ZNF716: variants seen among roughly 807,000 people sequenced by gnomAD.
ZNF716 encodes zinc finger protein 716.
In ZNF716, 9 loss-of-function variants were observed where a neutral mutation model predicts 13.4. That is an observed-to-expected ratio of 0.67 (90% confidence interval 0.41 to 1.18). The LOEUF (loss-of-function observed/expected upper bound fraction) is 1.18, where lower values mean the gene tolerates loss of function less well. Among genes scored for constraint, ZNF716 ranks in the 50% most tolerant of loss-of-function variants. The pLI is 0.01. For synonymous variants in ZNF716, 186 were observed against 195.2 expected (o/e 0.95, Z 0.39); for missense variants, 581 against 576.6 (o/e 1.01, Z -0.08).
chr7:57,452,859 G>A (rs1554321750), intron 1 of ZNF716, among the ~76,000 whole-genome samples: 1 of 152,032 alleles, frequency 6.6e-6, no homozygotes, highest in East Asian at 1.9e-4. Context: ...ACCTACTGTG[G>A]CCGTGTCTGC....
chr7:57,463,005 A>C, intron 2 of ZNF716, 68 bp from the exon 3 acceptor site: 9 of 1,581,084 alleles, frequency 5.7e-6, no homozygotes, highest in Non-Finnish European at 7.7e-6. Flanking sequence ...TTTACTAAGC[A>C]TAATACTTGT....
rs1554325435 is a variant in ZNF716, at chr7:57,472,463, A to G, written c.*2514A>G. On this transcript the variant is annotated 3_prime_UTR_variant, in exon 4 of 4. Transcript: ENST00000420713. ...CATCACTAGTAGTCTCTTTTTTGCCAGTGTTTTTGTTTGTTTGTTTTGAGA... is the reference window on the plus strand; with the variant it reads ...CATCACTAGTAGTCTCTTTTTTGCCGGTGTTTTTGTTTGTTTGTTTTGAGA... The G allele has an allele frequency of 6.6e-6, 1 of 151,716 alleles. No individual in the cohort carries two copies. The highest frequency in any genetic ancestry group is 2.4e-5 in the African/African-American group (1 of 41,288). The allele number at this position is 151,716 out of a possible 1,614,324, so 9.4% of individuals were successfully genotyped here.
rs535070746 is a variant in ZNF716 at position 57,451,283 on chromosome 7, G to A, written c.39+956G>A. ...GCCTGCCTTGGCCTCCGAAAGTGCTGGGATTACAGTCGTGATCCCCCCGTG... is the reference window on the plus strand; with the variant it reads ...GCCTGCCTTGGCCTCCGAAAGTGCTAGGATTACAGTCGTGATCCCCCCGTG... On this transcript the variant is annotated intron_variant, in intron 1 of 3. Transcript: ENST00000420713. Among the ~76,000 whole-genome samples, 131 of 152,004 alleles carry A rather than the reference G, an allele frequency of 8.6e-4. 1 individual carries two copies. The highest frequency in any genetic ancestry group is 3.0e-3 in the African/African-American group (125 of 41,452).
chr7:57,467,423 C>T (rs1789836128), intron 3 of ZNF716, among the ~76,000 whole-genome samples: 2 of 152,014 alleles, frequency 1.3e-5, no homozygotes, highest in Non-Finnish European at 2.9e-5. Flanking sequence ...TATGCTTTTC[C>T]AGCATTGGTT....
rs782745508 is a variant in ZNF716, at chr7:57,464,115, C to CTTT, written c.262+951_262+953dup. 5.3e-4 allele frequency among the ~76,000 whole-genome samples: 58 copies of CTTT among 110,238 alleles called. 6 individuals carry two copies. Among genetic ancestry groups the CTTT allele is most frequent in the South Asian group, 9.1e-4 (3 of 3,306 alleles). 72.3% of individuals were successfully genotyped at this position (110,238 alleles called of 152,430 possible). On this transcript the variant is annotated intron_variant, in intron 3 of 3. Transcript: ENST00000420713. The stretch of plus-strand genomic sequence containing the variant: ...AGGTAGTTCAATCATTTGTCCATTT[C>CTTT]TTTTTTCTTTTTTTTTTTTTTTTGA...
chr7:57,455,879 CT>C (rs34475017), intron 1 of ZNF716, among the ~76,000 whole-genome samples: 5,441 of 151,470 alleles, frequency 0.036, 312 homozygotes, highest in East Asian at 0.24. Context: ...CTTTCCCAAA[CT>C]TTTTTTTTGT....
At chr7:57,457,967 T>G (rs1300388770) in intron 1 of ZNF716, among the ~76,000 whole-genome samples, 3 of 152,232 alleles carry the variant, frequency 2.0e-5, no homozygotes, top group African/African-American at 7.2e-5. Flanking sequence ...TCCATCCATG[T>G]TGCTGCAAAT....
intron 3 of ZNF716, among the ~76,000 whole-genome samples, chr7:57,466,272 A>G (rs1288368331): frequency 6.6e-6 from 1 of 152,180 alleles, no homozygotes; most frequent in Non-Finnish European, 1.5e-5. Context: ...TCCAACCGCA[A>G]TATTGACTGG....
chr7:57,469,075 T>A lies in ZNF716; in HGVS notation c.614T>A (p.Ile205Lys). 1 of 1,607,924 alleles carries A rather than the reference T, an allele frequency of 6.2e-7. No individual in the cohort carries two copies. The highest frequency in any genetic ancestry group is 8.5e-7 in the Non-Finnish European group (1 of 1,176,586). Residue 205 changes from isoleucine to lysine, a missense_variant, in exon 4 of 4, where the codon ATA becomes AAA. Ile to Lys is a moderately radical substitution (Grantham distance 102, BLOSUM62 -3). Transcript: ENST00000420713. ...CTTTCACGCCTAAATCAACATCAGATAATTCATACTAGGGAGAAGTCTTAC... is the reference window on the plus strand; with the variant it reads ...CTTTCACGCCTAAATCAACATCAGAAAATTCATACTAGGGAGAAGTCTTAC... The part of the protein sequence containing the change: ...CMLSRLNQHQ[I>K]IHTREKSYKC...
rs1789936821 is a variant in ZNF716, at chr7:57,471,489, CTATT to C, written c.*1545_*1548del. 1 of 150,692 alleles carries C rather than the reference CTATT, an allele frequency of 6.6e-6. No individual in the cohort carries two copies. The highest frequency in any genetic ancestry group is 1.5e-5 in the Non-Finnish European group (1 of 67,796). The allele number at this position is 150,692 out of a possible 1,614,324, so 9.3% of individuals were successfully genotyped here. A position where few individuals can be genotyped will look rare whatever the true frequency, so the allele number is the denominator to read the frequency against. ...AAAACATAGGCCTTTAAAGCAAAGA[CTATT>C]TATTCTAAAGACAAACATTAAAACA... On this transcript the variant is annotated 3_prime_UTR_variant, in exon 4 of 4. Transcript: ENST00000420713.
intron 3 of ZNF716, among the ~76,000 whole-genome samples, chr7:57,464,152 A>ATTTTTT (rs1789762979): frequency 1.1e-5 from 1 of 92,204 alleles, no homozygotes; most frequent in African/African-American, 4.3e-5. Flanking sequence ...ATGGAGTTTC[A>ATTTTTT]CTCTTGTTGC....
In ZNF716 at chr7:57,473,097, C is replaced by G. The variant is rs1275610335; in HGVS notation, c.*3148C>G. On this transcript the variant is annotated 3_prime_UTR_variant, in exon 4 of 4. Transcript: ENST00000420713. ...AAAATTACATGAGTATAATTAATAC[C>G]CATACATTTCTGAGTCTTGATTAAA... The G allele has an allele frequency of 2.6e-5, 4 of 151,900 alleles. No individual in the cohort carries two copies. Among genetic ancestry groups the G allele is most frequent in the African/African-American group, 9.7e-5 (4 of 41,378 alleles). The allele number at this position is 151,900 out of a possible 1,614,324, so 9.4% of individuals were successfully genotyped here.
At position 57,472,507 on chromosome 7, in the gene ZNF716, C is replaced by T. The variant is rs1469071575; in HGVS notation, c.*2558C>T. On this transcript the variant is annotated 3_prime_UTR_variant, in exon 4 of 4. Transcript: ENST00000420713. Reference sequence around the variant, plus strand: ...TTTGAGACTAAGTCTTACTCTGTCACCCAGACTGGGGTGCAGTGGTGCGAT... The same window carrying T: ...TTTGAGACTAAGTCTTACTCTGTCATCCAGACTGGGGTGCAGTGGTGCGAT... 1 of 152,220 alleles carries T rather than the reference C, an allele frequency of 6.6e-6. No individual in the cohort carries two copies. Among genetic ancestry groups the T allele is most frequent in the Non-Finnish European group, 1.5e-5 (1 of 68,084 alleles). The allele number at this position is 152,220 out of a possible 1,614,324, so 9.4% of individuals were successfully genotyped here. A position where few individuals can be genotyped will look rare whatever the true frequency, so the allele number is the denominator to read the frequency against.
Position 57,469,794 on chromosome 7 carries a change from T to A in ZNF716, c.1333T>A (p.Phe445Ile). Reference sequence around the variant, plus strand: ...CAAATGTAAAGAATGTGGGAAAGCCTTTACCTTCTCCTCAACTCTAAATAC... The same window carrying A: ...CAAATGTAAAGAATGTGGGAAAGCCATTACCTTCTCCTCAACTCTAAATAC... Reference protein sequence around the residue: ...LYKCKECGKAFTFSSTLNTHK... With the variant: ...LYKCKECGKAITFSSTLNTHK... Residue 445 changes from phenylalanine (F) to isoleucine (I), a missense_variant, in exon 4 of 4, where the codon TTT becomes ATT. Transcript: ENST00000420713. The A allele has an allele frequency of 6.2e-7, 1 of 1,606,522 alleles. No individual in the cohort carries two copies. Among genetic ancestry groups the A allele is most frequent in the Non-Finnish European group, 8.5e-7 (1 of 1,176,110 alleles).
chr7:57,451,973 G>A (rs782482498), intron 1 of ZNF716, among the ~76,000 whole-genome samples: 1 of 151,796 alleles, frequency 6.6e-6, no homozygotes, highest in African/African-American at 2.4e-5. Flanking sequence ...CACCATTTTG[G>A]CCAGGCTGGT....
chr7:57,450,381 C>T, intron 1 of ZNF716, 54 bp downstream of exon 1: 1 of 1,613,550 alleles, frequency 6.2e-7, no homozygotes, highest in Non-Finnish European at 8.5e-7. Context: ...TTGGAACTGA[C>T]TGAAAGTGGC....
At chr7:57,458,316 G>A (rs1554322401) in intron 1 of ZNF716, among the ~76,000 whole-genome samples, 1 of 151,956 alleles carries the variant, frequency 6.6e-6, no homozygotes, top group Admixed American at 6.6e-5. Flanking sequence ...ACAAACCTCT[G>A]GTTTCTGACT....
rs7777291 is a variant in ZNF716 at position 57,453,560 on chromosome 7, A to T, written c.39+3233A>T. 2.4e-3 allele frequency among the ~76,000 whole-genome samples: 364 copies of T among 152,176 alleles called. 4 individuals are homozygous for T. Among genetic ancestry groups the T allele is most frequent in the Middle Eastern group, 0.01 (3 of 294 alleles). On this transcript the variant is annotated intron_variant, in intron 1 of 3. Transcript: ENST00000420713. ...TGTATTCTATTGGTTAAAAATTCAC[A>T]TTTGCCCTTTTCTTTCTCAGAGTAA...
At chr7:57,468,459 T>C (rs1789852885) in intron 3 of ZNF716, among the ~76,000 whole-genome samples, 1 of 152,190 alleles carries the variant, frequency 6.6e-6, no homozygotes, top group South Asian at 2.1e-4. Context: ...TGGGTAAATG[T>C]AGCAGACTTT....
Sources: allele counts gnomAD v4.1 joint callset (sites outside exome capture counted in the v4.1 genomes callset), GRCh38; gene constraint gnomAD v4.1.1; transcripts MANE v1.5; gene names NCBI Gene and HGNC (gene_info 2026-07-23, HGNC 2026-07-21).